Variants in ICMT observed in about 807,000 individuals in gnomAD.
ICMT encodes isoprenylcysteine carboxyl methyltransferase, also known as protein-S-isoprenylcysteine O-methyltransferase.
Under a neutral mutation model 32.2 loss-of-function variants are expected in ICMT, and 10 were observed. The ratio of observed to expected loss-of-function variants is 0.31; its 90% CI spans 0.19 to 0.53. The LOEUF (loss-of-function observed/expected upper bound fraction) is 0.53, where lower values mean the gene tolerates loss of function less well. Ranked by LOEUF, ICMT falls within the 20% of genes least tolerant of loss-of-function variation. ICMT has a pLI of 0.96. For synonymous variants in ICMT, 183 were observed against 158.2 expected (o/e 1.16, Z -1.18); for missense variants, 265 against 356.9 (o/e 0.74, Z 2.07).
At chr1:6,228,150 A>T (rs1668673715) in intron 4 of ICMT, among the ~76,000 whole-genome samples, 1 of 152,080 alleles carries the variant, frequency 6.6e-6, no homozygotes, top group Non-Finnish European at 1.5e-5. Context: ...ACAAATAAAT[A>T]ATTTTGTTTT....
intron 3 of ICMT, 123 bp from the exon 4 acceptor site, chr1:6,232,242 T>C: frequency 3.1e-6 from 2 of 637,526 alleles, no homozygotes; most frequent in Non-Finnish European, 5.4e-6. Context: ...TGCTGGGCAA[T>C]CAGCATTTGT....
intron 3 of ICMT, 111 bp from the exon 4 acceptor site, chr1:6,232,230 G>A: frequency 1.4e-6 from 1 of 710,470 alleles, no homozygotes; most frequent in Non-Finnish European, 2.3e-6. Context: ...CAGAAAATGT[G>A]CTGCTGGGCA....
At chr1:6,232,397 C>A (rs555573560) in intron 3 of ICMT, among the ~76,000 whole-genome samples, 1 of 152,288 alleles carries the variant, frequency 6.6e-6, no homozygotes, top group South Asian at 2.1e-4. Context: ...TGGTTCACGA[C>A]CCCCGGCCAC....
intron 3 of ICMT, among the ~76,000 whole-genome samples, chr1:6,232,954 T>C (rs796898255): frequency 1.3e-4 from 20 of 152,032 alleles, no homozygotes; most frequent in African/African-American, 4.8e-4. Context: ...GCCTCCCGGA[T>C]TCAAGCAGTT....
intron 4 of ICMT, among the ~76,000 whole-genome samples, chr1:6,229,460 A>G (rs1217018857): frequency 6.6e-6 from 1 of 151,716 alleles, no homozygotes; most frequent in African/African-American, 2.4e-5. Context: ...CCTGGGCAAC[A>G]AGAGTGAAAC....
In ICMT at chr1:6,225,359, C is replaced by T. The variant is rs1668629562; in HGVS notation, c.673-97G>A. Reference sequence around the variant, plus strand: ...CTCTAATACCCAGAGGATTTCTGTGCCCATGCCCTGCTGAGACCGTCAGGG... The same window carrying T: ...CTCTAATACCCAGAGGATTTCTGTGTCCATGCCCTGCTGAGACCGTCAGGG... On this transcript the variant is annotated intron_variant, in intron 4 of 4. Coordinates refer to ENST00000343813, the MANE Select transcript of ICMT (RefSeq NM_012405.4). 4.1e-6 allele frequency: 5 copies of T among 1,211,262 alleles called. No homozygotes were observed. In the Admixed American group the frequency reaches 8.2e-5, roughly 20 times the overall value. 75.0% of individuals were successfully genotyped at this position (1,211,262 alleles called of 1,614,324 possible).
chr1:6,222,722 GGCCAGCAGCT>G lies in ICMT; in HGVS notation c.*2348_*2357del, dbSNP rs1668575413. The G allele has an allele frequency of 6.6e-6, 1 of 152,232 alleles. No homozygotes were observed. The highest frequency in any genetic ancestry group is 1.5e-5 in the Non-Finnish European group (1 of 68,074). 9.4% of individuals were successfully genotyped at this position (152,232 alleles called of 1,614,324 possible). A position where few individuals can be genotyped will look rare whatever the true frequency, so the allele number is the denominator to read the frequency against. Reference sequence around the variant, plus strand: ...AACACAGTCAGCTTACCATCCACAAGGCCAGCAGCTGCCAACAGCTGCCCTAGACCTATCA... The same window carrying G: ...AACACAGTCAGCTTACCATCCACAAGGCCAACAGCTGCCCTAGACCTATCA... On this transcript the variant is annotated 3_prime_UTR_variant, in exon 5 of 5. Coordinates refer to ENST00000343813, the MANE Select transcript of ICMT (RefSeq NM_012405.4).
At chr1:6,229,482 A>G (rs1668697354) in intron 4 of ICMT, among the ~76,000 whole-genome samples, 1 of 151,874 alleles carries the variant, frequency 6.6e-6, no homozygotes, top group African/African-American at 2.4e-5. Flanking sequence ...CCATCTCAAA[A>G]AAATAAATTA....
chr1:6,221,955 T>A lies in ICMT; in HGVS notation c.*3125A>T, dbSNP rs893332321. The A allele has an allele frequency of 2.0e-5, 3 of 152,246 alleles. No homozygotes were observed. The highest frequency in any genetic ancestry group is 7.2e-5 in the African/African-American group (3 of 41,458). The allele number at this position is 152,246 out of a possible 1,614,324, so 9.4% of individuals were successfully genotyped here. ...GGAAAAATAAATCTCTTGACAGTTTTTTAAATCGAGAAAATTGGTGATGTG... is the reference window on the plus strand; with the variant it reads ...GGAAAAATAAATCTCTTGACAGTTTATTAAATCGAGAAAATTGGTGATGTG... On this transcript the variant is annotated 3_prime_UTR_variant, in exon 5 of 5. Transcript: ENST00000343813.
intron 4 of ICMT, among the ~76,000 whole-genome samples, chr1:6,228,485 G>A (rs1028302371): frequency 2.0e-5 from 3 of 152,040 alleles, no homozygotes; most frequent in African/African-American, 4.8e-5. Flanking sequence ...TGGGACTACA[G>A]ATGCGTGCCA....
chr1:6,221,661 A>T lies in ICMT; in HGVS notation c.*3419T>A, dbSNP rs1345714009. The T allele has an allele frequency of 6.6e-6, 1 of 152,636 alleles. No individual in the cohort carries two copies. Among genetic ancestry groups the T allele is most frequent in the Admixed American group, 6.5e-5 (1 of 15,280 alleles). The allele number at this position is 152,636 out of a possible 1,614,324, so 9.5% of individuals were successfully genotyped here. A position where few individuals can be genotyped will look rare whatever the true frequency, so the allele number is the denominator to read the frequency against. On this transcript the variant is annotated 3_prime_UTR_variant, in exon 5 of 5. Coordinates refer to ENST00000343813, the MANE Select transcript of ICMT (RefSeq NM_012405.4). ...GTTTAGGAACATTTTCCCCGGTCGT[A>T]TCAATCCCCCAGGTTGGTAAATGAA...
At chr1:6,228,398 G>A (rs1436133913) in intron 4 of ICMT, among the ~76,000 whole-genome samples, 5 of 150,666 alleles carry the variant, frequency 3.3e-5, no homozygotes, top group African/African-American at 7.3e-5. Flanking sequence ...GCTGGAGTAC[G>A]GTGGCGCGAT....
chr1:6,234,625 T>C (rs1571227854), intron 2 of ICMT: 5 of 533,538 alleles, frequency 9.4e-6, no homozygotes, highest in South Asian at 8.8e-5. Flanking sequence ...TACGGAATGC[T>C]GTCACCACAG....
chr1:6,225,303 G>C (rs149108735), intron 4 of ICMT, 41 bp from the exon 5 acceptor site: 6 of 1,583,304 alleles, frequency 3.8e-6, no homozygotes, highest in Non-Finnish European at 5.2e-6. Flanking sequence ...GTGACCGTGG[G>C]ATGACGCCCT....
rs775200107 is a variant in ICMT at position 6,234,906 on chromosome 1, A to G, written c.264T>C (p.Ser88=). The G allele has an allele frequency of 1.2e-6, 2 of 1,613,944 alleles. No homozygotes were observed. The highest frequency in any genetic ancestry group is 1.7e-6 in the Non-Finnish European group (2 of 1,179,862). ...CTTACCAGCCAAAGTGACTCCAAGA[A>G]GACTGGCTAAAACTTAGCAGCGTGC... ...GCGTLLSFSQ[S]SWSHFGWYMC... is the part of the protein sequence containing the mutation. Residue 88 remains serine (S), a synonymous_variant, in exon 2 of 5, where the codon TCT becomes TCC. Coordinates refer to ENST00000343813, the MANE Select transcript of ICMT (RefSeq NM_012405.4).
rs779358116 is a variant in ICMT at position 6,231,851 on chromosome 1, T to C, written c.672+51A>G. On this transcript the variant is annotated intron_variant, in intron 4 of 4. Transcript: ENST00000343813. The stretch of plus-strand genomic sequence containing the variant: ...TGCTACGTGAATATCACGTTTAAAA[T>C]GTTACTTAAAAAAAAAAAAAAGAAA... 6.1e-6 allele frequency: 7 copies of C among 1,156,750 alleles called. No homozygotes were observed. The Admixed American group carries it at 1.7e-4, about 27-fold the overall frequency. 71.7% of individuals were successfully genotyped at this position (1,156,750 alleles called of 1,614,324 possible). A position where few individuals can be genotyped will look rare whatever the true frequency, so the allele number is the denominator to read the frequency against.
rs144409863 is a variant in ICMT at position 6,227,607 on chromosome 1, G to A, written c.673-2345C>T. ...GCGATGGCTCACGCCTGTAATCCCA[G>A]CACTTTGGGAGACTGAGGCAAGTGG... On this transcript the variant is annotated intron_variant, in intron 4 of 4. Coordinates refer to ENST00000343813, the MANE Select transcript of ICMT (RefSeq NM_012405.4). 6.7e-4 allele frequency among the ~76,000 whole-genome samples: 102 copies of A among 152,328 alleles called. 1 individual carries two copies. Among genetic ancestry groups the A allele is most frequent in the South Asian group, 1.9e-3 (9 of 4,828 alleles).
At chr1:6,228,348 CT>C (rs778804066) in intron 4 of ICMT, among the ~76,000 whole-genome samples, 160 of 143,672 alleles carry the variant, frequency 1.1e-3, no homozygotes, top group Non-Finnish European at 1.0e-3. Flanking sequence ...GTTTCTTTTT[CT>C]TTTTTTTTTT....
rs1571226404 is a variant in ICMT at position 6,231,884 on chromosome 1, T to G, written c.672+18A>C. ...AAAAAAAAAAAAAAGAAAAGCAGTGTCATATTTAATATTATACCTGAGTTC... is the reference window on the plus strand; with the variant it reads ...AAAAAAAAAAAAAAGAAAAGCAGTGGCATATTTAATATTATACCTGAGTTC... On this transcript the variant is annotated intron_variant, in intron 4 of 4. Transcript: ENST00000343813. The G allele has an allele frequency of 7.1e-7, 1 of 1,418,128 alleles. No homozygotes were observed. The allele number at this position is 1,418,128 out of a possible 1,614,324, so 87.8% of individuals were successfully genotyped here.
Sources: allele counts gnomAD v4.1 joint callset (sites outside exome capture counted in the v4.1 genomes callset), GRCh38; gene constraint gnomAD v4.1.1; transcripts MANE v1.5; gene names NCBI Gene and HGNC (gene_info 2026-07-23, HGNC 2026-07-21).